The following CUL9 variants were observed in gnomAD, a reference collection of about 807,000 sequenced individuals.
The protein encoded by CUL9 is cullin-9.
Under a neutral mutation model 272.6 loss-of-function variants are expected in CUL9, and 79 were observed. The observed-to-expected ratio is 0.29, with a 90% CI of 0.24 to 0.35. The LOEUF (loss-of-function observed/expected upper bound fraction) is 0.35. Ranked by LOEUF, CUL9 falls within the 10% of genes least tolerant of loss-of-function variation. The pLI is 1.00. For synonymous variants in CUL9, 1,186 were observed against 1,286.5 expected (o/e 0.92, Z 1.67); for missense variants, 2,532 against 3,255.6 (o/e 0.78, Z 5.41).
Position 43,218,108 on chromosome 6 carries a change from C to A in CUL9, c.6282+1605C>A, listed in dbSNP as rs575301122. ...TATAGGCATAAGCCACCACACCCAG[C>A]CTGACAGTGGATTTTATTTTATGAG... On this transcript the variant is annotated intron_variant, in intron 31 of 40. Coordinates refer to ENST00000252050, the MANE Select transcript of CUL9 (RefSeq NM_015089.4). The surrounding 1 kb of genome is among the most constrained non-coding windows in gnomAD (Gnocchi z 4.4). 6.6e-6 allele frequency among the ~76,000 whole-genome samples: 1 copy of A among 152,198 alleles called. No individual in the cohort carries two copies. The highest frequency in any genetic ancestry group is 2.4e-5 in the African/African-American group (1 of 41,500).
In CUL9 at chr6:43,218,166, T is replaced by G. The variant is rs1350913081; in HGVS notation, c.6282+1663T>G. Among the ~76,000 whole-genome samples, 1 of 151,972 alleles carries G rather than the reference T, an allele frequency of 6.6e-6. No individual in the cohort carries two copies. Among genetic ancestry groups the G allele is most frequent in the East Asian group, 1.9e-4 (1 of 5,196 alleles). On this transcript the variant is annotated intron_variant, in intron 31 of 40. Transcript: ENST00000252050. This position sits in a 1 kb window ranked among gnomAD's most constrained non-coding sequence, Gnocchi z 4.4. ...GGTGGGTTTAAGCAGAATATTGATATTATCTGGTTTACATTTTTTATTTTT... is the reference window on the plus strand; with the variant it reads ...GGTGGGTTTAAGCAGAATATTGATAGTATCTGGTTTACATTTTTTATTTTT...
intron 3 of CUL9, 148 bp from the exon 4 acceptor site, chr6:43,185,807 C>A: frequency 8.4e-7 from 1 of 1,190,322 alleles, no homozygotes; most frequent in Non-Finnish European, 1.2e-6. Context: ...AAGACACTCC[C>A]TATGCCTTTC....
Position 43,184,398 on chromosome 6 carries a change from C to T in CUL9, c.88C>T (p.Pro30Ser), listed in dbSNP as rs1772728372. The change falls in exon 2 of 41, where the codon CCT becomes TCT. Residue 30 changes from proline (P) to serine (S), a missense_variant. By Grantham distance (74) the Pro-to-Ser change is moderately conservative. This residue lies in a region of CUL9 where 2,218 missense variants were observed against 2,788.6 expected (regional missense o/e 0.80). Coordinates refer to ENST00000252050, the MANE Select transcript of CUL9 (RefSeq NM_015089.4). This position sits in a 1 kb window ranked among gnomAD's most constrained non-coding sequence, Gnocchi z 4.8. ...AYPEELIRQR[P>S]GHDGHPEYLI... ...TCCTGAAGAACTCATTCGACAGAGG[C>T]CTGGGCATGACGGGCATCCTGAATA... 2 of 1,612,960 alleles carry T rather than the reference C, an allele frequency of 1.2e-6. No individual in the cohort carries two copies. Among genetic ancestry groups the T allele is most frequent in the Admixed American group, 1.7e-5 (1 of 59,894 alleles).
In CUL9 at chr6:43,200,401, C is replaced by T; in HGVS notation, c.3385-35C>T. 6.2e-7 allele frequency: 1 copy of T among 1,614,106 alleles called. No individual in the cohort carries two copies. The highest frequency in any genetic ancestry group is 8.5e-7 in the Non-Finnish European group (1 of 1,180,004). ...GGCATTTCTCTGTGTTCCTCCCTCT[C>T]CTCTTCCTCATTCTCCCTGATGTTC... On this transcript the variant is annotated intron_variant, in intron 14 of 40. Transcript: ENST00000252050. The surrounding 1 kb of genome is among the most constrained non-coding windows in gnomAD (Gnocchi z 4.0).
Position 43,187,873 on chromosome 6 carries a change from G to T in CUL9, c.1742G>T (p.Ser581Ile). The change falls in exon 7 of 41, where the codon AGC becomes ATC. Residue 581 changes from serine (S) to isoleucine (I), a missense_variant. This residue lies in a region of CUL9 where 2,218 missense variants were observed against 2,788.6 expected (regional missense o/e 0.80). Transcript: ENST00000252050. ...GGGCTGCTGTCTAATGAACCAAGCA[G>T]CTCGTCTACTTCACGAAATCACTCC... ...KYGLLSNEPS[S>I]SSTSRNHSCT... 6.2e-7 allele frequency: 1 copy of T among 1,614,084 alleles called. No individual in the cohort carries two copies. Among genetic ancestry groups the T allele is most frequent in the Non-Finnish European group, 8.5e-7 (1 of 1,180,018 alleles).
At chr6:43,219,290 C>A (rs1776157632) in intron 31 of CUL9, among the ~76,000 whole-genome samples, 1 of 152,192 alleles carries the variant, frequency 6.6e-6, no homozygotes, top group Admixed American at 6.5e-5. Flanking sequence ...GCATTGGTCA[C>A]AGCTGAGTGG....
Position 43,205,081 on chromosome 6 carries a change from C to A in CUL9, c.4598C>A (p.Ala1533Asp). 2 of 1,602,910 alleles carry A rather than the reference C, an allele frequency of 1.2e-6. No homozygotes were observed. Among genetic ancestry groups the A allele is most frequent in the Non-Finnish European group, 1.7e-6 (2 of 1,174,612 alleles). Residue 1533 changes from alanine (A) to aspartate (D), a missense_variant, in exon 23 of 41, where the codon GCC becomes GAC. Coordinates refer to ENST00000252050, the MANE Select transcript of CUL9 (RefSeq NM_015089.4). ...MLALRSGFSG[A>D]LLQQSFLTAA... is the part of the protein sequence containing the mutation. ...GCTCTGCGCAGTGGCTTCTCTGGCG[C>A]CTTGCTGCAGCAGTCCTTCCTCACT... is the stretch of plus-strand genomic sequence containing the variant.
In CUL9 at chr6:43,206,178, C is replaced by G; in HGVS notation, c.4965C>G (p.Leu1655=). The change falls in exon 25 of 41, where the codon CTC becomes CTG. Residue 1655 remains leucine (L), a synonymous_variant. Coordinates refer to ENST00000252050, the MANE Select transcript of CUL9 (RefSeq NM_015089.4). The surrounding 1 kb of genome is among the most constrained non-coding windows in gnomAD (Gnocchi z 4.8). The part of the protein sequence containing the change: ...RQFHLFQLQR[L]DKLFLEQEDE... ...TCCACCTCTTCCAGCTCCAGCGGCT[C>G]GACAAGTTGTTCTTGGAGCAGGAAG... 2 of 1,613,400 alleles carry G rather than the reference C, an allele frequency of 1.2e-6. No homozygotes were observed. Among genetic ancestry groups the G allele is most frequent in the Non-Finnish European group, 1.7e-6 (2 of 1,179,776 alleles).
Position 43,223,134 on chromosome 6 carries a change from C to A in CUL9, c.7151-130C>A. On this transcript the variant is annotated intron_variant, in intron 38 of 40. Coordinates refer to ENST00000252050, the MANE Select transcript of CUL9 (RefSeq NM_015089.4). The surrounding 1 kb of genome is among the most constrained non-coding windows in gnomAD (Gnocchi z 4.1). ...TTGGTTTCTGGTCTTTACCCTGCTC[C>A]CCTAGGGAGCTTCATGAGAATGTCT... The A allele has an allele frequency of 7.6e-7, 1 of 1,323,348 alleles. No homozygotes were observed. The highest frequency in any genetic ancestry group is 1.0e-6 in the Non-Finnish European group (1 of 975,618). The allele number at this position is 1,323,348 out of a possible 1,614,324, so 82.0% of individuals were successfully genotyped here. A position where few individuals can be genotyped will look rare whatever the true frequency, so the allele number is the denominator to read the frequency against.
rs768210108 is a variant in CUL9 at position 43,200,106 on chromosome 6, G to A, written c.3334G>A (p.Ala1112Thr). Residue 1112 changes from alanine (A) to threonine (T), a missense_variant, in exon 14 of 41, where the codon GCA (alanine) becomes ACA (threonine). Transcript: ENST00000252050. This position sits in a 1 kb window ranked among gnomAD's most constrained non-coding sequence, Gnocchi z 4.0. The part of the protein sequence containing the change: ...RDLVTECEKY[A>T]QLYSNLTSSI... ...CCTGGTGACAGAGTGTGAGAAGTAC[G>A]CACAGCTCTATAGCAACCTCACCTC... The A allele has an allele frequency of 4.6e-5, 75 of 1,614,096 alleles. No homozygotes were observed. The highest frequency in any genetic ancestry group is 5.8e-5 in the Non-Finnish European group (68 of 1,180,032).
intron 26 of CUL9, chr6:43,212,638 A>G (rs1229708618): frequency 2.0e-5 from 3 of 152,368 alleles, no homozygotes; most frequent in African/African-American, 4.8e-5. Flanking sequence ...GTGTGGTTCC[A>G]TCACACATTG....
At position 43,199,049 on chromosome 6, in the gene CUL9, G is replaced by A. The variant is rs1281757777; in HGVS notation, c.3050+194G>A. 6.6e-6 allele frequency among the ~76,000 whole-genome samples: 1 copy of A among 151,690 alleles called. No homozygotes were observed. The highest frequency in any genetic ancestry group is 6.6e-5 in the Admixed American group (1 of 15,196). On this transcript the variant is annotated intron_variant, in intron 12 of 40. Transcript: ENST00000252050. The surrounding 1 kb of genome is among the most constrained non-coding windows in gnomAD (Gnocchi z 4.4). Reference sequence around the variant, plus strand: ...CCTCCCAGGTTCAAGTGGTTCTCCTGCCTCAGCCTCCCGAGTAGCTGGGAT... The same window carrying A: ...CCTCCCAGGTTCAAGTGGTTCTCCTACCTCAGCCTCCCGAGTAGCTGGGAT...
At chr6:43,201,648 T>G (rs549122991) in intron 16 of CUL9, among the ~76,000 whole-genome samples, 33 of 152,020 alleles carry the variant, frequency 2.2e-4, no homozygotes, top group Admixed American at 1.8e-3. Flanking sequence ...CCTGGCTAAT[T>G]TTTTGTATTT....
In CUL9 at chr6:43,200,485, A is replaced by G. The variant is rs764354966; in HGVS notation, c.3434A>G (p.Asn1145Ser). 6.2e-7 allele frequency: 1 copy of G among 1,614,086 alleles called. No homozygotes were observed. The highest frequency in any genetic ancestry group is 8.5e-7 in the Non-Finnish European group (1 of 1,180,020). ...EDHRRTHQPI[N>S]IPFFDVFLRH... ...CACAGACGAACCCACCAACCCATCA[A>G]TATCCCCTTCTTTGATGTGTTCCTC... Residue 1145 changes from asparagine (N) to serine (S), a missense_variant, in exon 15 of 41, where the codon AAT becomes AGT. By Grantham distance (46) the Asn-to-Ser change is conservative. Around this residue, in one of 3 missense-constraint regions of CUL9, gnomAD observed 2,218 missense variants for 2,788.6 expected, o/e 0.80. Transcript: ENST00000252050. This position sits in a 1 kb window ranked among gnomAD's most constrained non-coding sequence, Gnocchi z 4.0.
chr6:43,191,583 ATAAT>A (rs1224447648), intron 8 of CUL9, among the ~76,000 whole-genome samples: 2 of 149,670 alleles, frequency 1.3e-5, no homozygotes, highest in South Asian at 2.1e-4. Flanking sequence ...GCCTCAGTCA[ATAAT>A]TAATTAATTA....
chr6:43,221,056 G>A lies in CUL9; in HGVS notation c.6589-102G>A. On this transcript the variant is annotated intron_variant, in intron 33 of 40. Transcript: ENST00000252050. This position sits in a 1 kb window ranked among gnomAD's most constrained non-coding sequence, Gnocchi z 4.2. Reference sequence around the variant, plus strand: ...GTTGAGCTCTGTTCCTCTTCCTGGAGCCCTCCAAATGTGATCTGTGCCTGC... The same window carrying A: ...GTTGAGCTCTGTTCCTCTTCCTGGAACCCTCCAAATGTGATCTGTGCCTGC... 1 of 1,487,296 alleles carries A rather than the reference G, an allele frequency of 6.7e-7. No homozygotes were observed. 92.1% of individuals were successfully genotyped at this position (1,487,296 alleles called of 1,614,324 possible). A position where few individuals can be genotyped will look rare whatever the true frequency, so the allele number is the denominator to read the frequency against.
At position 43,199,258 on chromosome 6, in the gene CUL9, C is replaced by T. The variant is rs115509421; in HGVS notation, c.3051-8C>T. 618 of 1,610,432 alleles carry T rather than the reference C, an allele frequency of 3.8e-4. 5 individuals are homozygous for T. In the African/African-American group the frequency reaches 7.3e-3, roughly 19 times the overall value. On this transcript the variant is annotated splice_polypyrimidine_tract_variant and splice_region_variant and intron_variant, in intron 12 of 40. Coordinates refer to ENST00000252050, the MANE Select transcript of CUL9 (RefSeq NM_015089.4). The surrounding 1 kb of genome is among the most constrained non-coding windows in gnomAD (Gnocchi z 4.4). ...GCCTGACTTCACTCGTTTCTACCCC[C>T]TCACCAGGGTCATAACCCGACTGCT...
rs1316531134 is a variant in CUL9 at position 43,204,770 on chromosome 6, G to A, written c.4362G>A (p.Arg1454=). ...CAGTCAGCAAGAACAGCAAGGGTCG[G>A]GACCGGAGCCCGGCGCCTTCGCCAG... ...TRPFSKNSKG[R]DRSPAPSPVL... The change falls in exon 22 of 41, where the codon CGG becomes CGA. Residue 1454 remains arginine, a synonymous_variant. Coordinates refer to ENST00000252050, the MANE Select transcript of CUL9 (RefSeq NM_015089.4). 6.2e-7 allele frequency: 1 copy of A among 1,614,194 alleles called. No homozygotes were observed.
At position 43,224,157 on chromosome 6, in the gene CUL9, G is replaced by A. The variant is rs755209921; in HGVS notation, c.7347G>A (p.Met2449Ile). ...VEAWEAKGPN[M>I]PGSQPQASSG... ...CCTGGGAGGCAAAAGGACCCAACAT[G>A]CCTGGCAGTCAGTAAGTGGGGTGGG... is the stretch of plus-strand genomic sequence containing the variant. Residue 2449 changes from methionine (M) to isoleucine (I), a missense_variant, in exon 40 of 41, where the codon ATG (methionine) becomes ATA (isoleucine). Around this residue, in one of 3 missense-constraint regions of CUL9, gnomAD observed 237 missense variants for 305.9 expected, o/e 0.77. Coordinates refer to ENST00000252050, the MANE Select transcript of CUL9 (RefSeq NM_015089.4). This position sits in a 1 kb window ranked among gnomAD's most constrained non-coding sequence, Gnocchi z 4.2. 2.2e-5 allele frequency: 35 copies of A among 1,614,252 alleles called. No individual in the cohort carries two copies. Among genetic ancestry groups the A allele is most frequent in the Non-Finnish European group, 2.4e-5 (28 of 1,180,032 alleles).
Sources: gnomAD v4.1 joint callset for allele counts (sites outside exome capture counted in the v4.1 genomes callset) on GRCh38, gnomAD v4.1.1 for gene constraint, gnomAD v4.1.1 regional missense constraint, Gnocchi (gnomAD v3.1) non-coding constraint, MANE v1.5 for transcripts, NCBI Gene and HGNC (gene_info 2026-07-23, HGNC 2026-07-21) for gene names.